ERVK3-1: variants seen among roughly 807,000 people sequenced by gnomAD.
ERVK3-1 encodes the protein HERV-K(HML6-1).
At chr19:58,314,470 C>CA (rs781082187) in intron 3 of ERVK3-1, among the ~76,000 whole-genome samples, 1 of 151,588 alleles carries the variant, frequency 6.6e-6, no homozygotes, top group Admixed American at 6.6e-5. Flanking sequence ...ACTAAAAATA[C>CA]AAAAAAATTA....
rs1251602914 is a variant in ERVK3-1 at position 58,313,481 on chromosome 19, C to T, written c.294+1019C>T. 5.4e-5 allele frequency among the ~76,000 whole-genome samples: 8 copies of T among 147,220 alleles called. No homozygotes were observed. The highest frequency in any genetic ancestry group is 2.1e-4 in the South Asian group (1 of 4,652). On this transcript the variant is annotated intron_variant, in intron 3 of 3. Transcript: ENST00000413518. The surrounding 1 kb of genome is among the most constrained non-coding windows in gnomAD (Gnocchi z 4.5). ...TTGTTTTTTGTATTTTTAATAGAAA[C>T]GGGATTTCACCTTCTTGGCCAGGCT... is the stretch of plus-strand genomic sequence containing the variant.
At chr19:58,308,693 ACTT>A (rs1354914856) in intron 2 of ERVK3-1, among the ~76,000 whole-genome samples, 15 of 152,258 alleles carry the variant, frequency 9.9e-5, no homozygotes, top group Non-Finnish European at 1.3e-4. Flanking sequence ...GGTCATTGAT[ACTT>A]CTTCTCCACC....
chr19:58,315,064 G>A (rs894492698), exon 4 of ERVK3-1: 16 of 330,432 alleles, frequency 4.8e-5, no homozygotes, highest in Non-Finnish European at 8.2e-5. Context: ...GAATCATGTG[G>A]GCCTGTGTTA....
At chr19:58,316,228 A>G (rs894827963), downstream of ERVK3-1, among the ~76,000 whole-genome samples, 4 of 152,088 alleles carry the variant, frequency 2.6e-5, no homozygotes, top group Non-Finnish European at 5.9e-5. Flanking sequence ...CTACCTCCTC[A>G]TGGTTCTCCT....
intron 2 of ERVK3-1, chr19:58,306,471 G>C (rs894272223): frequency 2.6e-5 from 4 of 152,252 alleles, no homozygotes; most frequent in Non-Finnish European, 5.9e-5. Context: ...GAGCTCATCA[G>C]AAAGTTCTTA....
At chr19:58,305,923 T>A (rs554490947) in intron 1 of ERVK3-1, among the ~76,000 whole-genome samples, 165 bp from the exon 2 acceptor site, 18 of 152,296 alleles carry the variant, frequency 1.2e-4, no homozygotes, top group Admixed American at 3.9e-4. Context: ...TAGCTGACCG[T>A]CAGTTACCCT....
At chr19:58,314,986 C>T (rs922534719) in exon 4 of ERVK3-1, 14 of 387,692 alleles carry the variant, frequency 3.6e-5, no homozygotes, top group Non-Finnish European at 5.5e-5. Flanking sequence ...TGGGGGCAGT[C>T]ATGTCCCAGG....
chr19:58,311,995 G>A (rs1017019082), intron 2 of ERVK3-1, 171 bp from the exon 3 acceptor site: 1 of 394,626 alleles, frequency 2.5e-6, no homozygotes, highest in Non-Finnish European at 4.5e-6. Flanking sequence ...ACTTTAAATT[G>A]TTTGACTCCT....
exon 4 of ERVK3-1, chr19:58,315,071 G>A (rs1412261426): frequency 3.1e-6 from 1 of 320,352 alleles, no homozygotes; most frequent in East Asian, 4.8e-5. Flanking sequence ...GTGGGCCTGT[G>A]TTAAATCAAA....
At position 58,312,627 on chromosome 19, in the gene ERVK3-1, A is replaced by G. The variant is rs562088611; in HGVS notation, c.294+165A>G. On this transcript the variant is annotated intron_variant, in intron 3 of 3. Transcript: ENST00000413518. This position sits in a 1 kb window ranked among gnomAD's most constrained non-coding sequence, Gnocchi z 4.7. ...CGTCTGACACAGAGCAATAGCATCA[A>G]TTACACCGGCCCATTGGAAGGACTC... 2.0e-5 allele frequency among the ~76,000 whole-genome samples: 3 copies of G among 152,276 alleles called. No individual in the cohort carries two copies. In the South Asian group the frequency reaches 6.2e-4, roughly 32 times the overall value.
At position 58,315,056 on chromosome 19, in the gene ERVK3-1, A is replaced by C; in HGVS notation, c.*273A>C. The C allele has an allele frequency of 1.2e-5, 4 of 339,810 alleles. No individual in the cohort carries two copies. The East Asian group carries it at 1.7e-4, about 15-fold the overall frequency. The allele number at this position is 339,810 out of a possible 1,614,324, so 21.0% of individuals were successfully genotyped here. Reference sequence around the variant, plus strand: ...CAGAACCTGTTGAACAAAGAAAGGAATCATGTGGGCCTGTGTTAAATCAAA... The same window carrying C: ...CAGAACCTGTTGAACAAAGAAAGGACTCATGTGGGCCTGTGTTAAATCAAA... On this transcript the variant is annotated 3_prime_UTR_variant, in exon 4 of 4. Transcript: ENST00000413518.
chr19:58,308,993 G>A (rs1309378699), intron 2 of ERVK3-1: 1 of 152,186 alleles, frequency 6.6e-6, no homozygotes, highest in African/African-American at 2.4e-5. Context: ...CAAGAGATTA[G>A]CCTCTTGTAG....
chr19:58,312,508 C>T lies in ERVK3-1; in HGVS notation c.294+46C>T, dbSNP rs190943355. 329 of 399,662 alleles carry T rather than the reference C, an allele frequency of 8.2e-4. No homozygotes were observed. The highest frequency in any genetic ancestry group is 1.7e-3 in the Admixed American group (39 of 22,736). The allele number at this position is 399,662 out of a possible 1,614,324, so 24.8% of individuals were successfully genotyped here. On this transcript the variant is annotated intron_variant, in intron 3 of 3. Coordinates refer to ENST00000413518, the Ensembl canonical transcript of ERVK3-1. The surrounding 1 kb of genome is among the most constrained non-coding windows in gnomAD (Gnocchi z 4.7). ...GGCAAAAACATATTGGGCATATGTT[C>T]CTAACCCACTGGTAGTACGACTGGT... is the stretch of plus-strand genomic sequence containing the variant.
At chr19:58,316,531 C>G (rs1370911888), downstream of ERVK3-1, among the ~76,000 whole-genome samples, 1 of 152,062 alleles carries the variant, frequency 6.6e-6, no homozygotes, top group Admixed American at 6.5e-5. Context: ...ATTAGCTGGG[C>G]GTGGTGATGC....
chr19:58,308,432 T>G (rs1224585583), intron 2 of ERVK3-1, among the ~76,000 whole-genome samples: 1 of 152,252 alleles, frequency 6.6e-6, no homozygotes, highest in African/African-American at 2.4e-5. Context: ...TCAGTCCAGA[T>G]GGACAGCCAT....
rs2051547499 is a variant in ERVK3-1 at position 58,310,217 on chromosome 19, T to C, written c.-3-1949T>C. 6.6e-6 allele frequency: 1 copy of C among 152,284 alleles called. No homozygotes were observed. Among genetic ancestry groups the C allele is most frequent in the Admixed American group, 6.5e-5 (1 of 15,278 alleles). 9.4% of individuals were successfully genotyped at this position (152,284 alleles called of 1,614,324 possible). A position where few individuals can be genotyped will look rare whatever the true frequency, so the allele number is the denominator to read the frequency against. On this transcript the variant is annotated intron_variant, in intron 2 of 3. Transcript: ENST00000413518. The surrounding 1 kb of genome is among the most constrained non-coding windows in gnomAD (Gnocchi z 4.7). ...ATTGTCTGTAATTCAGCCTATGTCG[T>C]AAATGTAGCTAGTTGCATTAAAACT...
At position 58,312,483 on chromosome 19, in the gene ERVK3-1, G is replaced by A. The variant is rs886746508; in HGVS notation, c.294+21G>A. On this transcript the variant is annotated intron_variant, in intron 3 of 3. Transcript: ENST00000413518. The surrounding 1 kb of genome is among the most constrained non-coding windows in gnomAD (Gnocchi z 4.7). Reference sequence around the variant, plus strand: ...GTGCGGTATGTTTCCCCTGTGTAGAGGCAAAAACATATTGGGCATATGTTC... The same window carrying A: ...GTGCGGTATGTTTCCCCTGTGTAGAAGCAAAAACATATTGGGCATATGTTC... 1 of 399,786 alleles carries A rather than the reference G, an allele frequency of 2.5e-6. No individual in the cohort carries two copies. Among genetic ancestry groups the A allele is most frequent in the Non-Finnish European group, 4.4e-6 (1 of 226,008 alleles). 24.8% of individuals were successfully genotyped at this position (399,786 alleles called of 1,614,324 possible).
At chr19:58,314,957 C>A in exon 4 of ERVK3-1, 1 of 391,762 alleles carries the variant, frequency 2.6e-6, no homozygotes, top group Non-Finnish European at 4.5e-6. Context: ...CAAACTCTGT[C>A]TGCCGCCAGA....
exon 4 of ERVK3-1, chr19:58,315,069 G>A (rs1568534815): frequency 3.1e-6 from 1 of 323,432 alleles, no homozygotes; most frequent in East Asian, 4.7e-5. Flanking sequence ...ATGTGGGCCT[G>A]TGTTAAATCA....
Sources: allele counts gnomAD v4.1 joint callset (sites outside exome capture counted in the v4.1 genomes callset), GRCh38; gene constraint gnomAD v4.1.1; non-coding constraint Gnocchi (gnomAD v3.1); transcripts MANE v1.5; gene names NCBI Gene and HGNC (gene_info 2026-07-23, HGNC 2026-07-21).